Variants in CFAP43 observed in about 807,000 individuals in gnomAD.
CFAP43 encodes cilia- and flagella-associated protein 43.
Under a neutral mutation model 218.9 loss-of-function variants are expected in CFAP43, and 155 were observed. That is an observed-to-expected ratio of 0.71 (90% CI 0.62 to 0.81). CFAP43 has a LOEUF of 0.81. CFAP43 is among the 30% of genes least tolerant of loss of function. The pLI, the probability that CFAP43 is intolerant of heterozygous loss-of-function variation, is 0.00. For missense variants in CFAP43, 1,778 were observed against 1,954.3 expected, an observed-to-expected ratio of 0.91 and a Z score of 1.70; for synonymous variants, 645 against 681.3, an observed-to-expected ratio of 0.95 and a Z score of 0.83.
chr10:104,203,494 A>C (rs947691934), intron 8 of CFAP43, 178 bp downstream of exon 8: 49 of 511,660 alleles, frequency 9.6e-5, no homozygotes, highest in Non-Finnish European at 1.4e-4. Flanking sequence ...GCACAAAAAT[A>C]AACCAATAGC....
At position 104,161,081 on chromosome 10, in the gene CFAP43, T is replaced by C; in HGVS notation, c.3496A>G (p.Lys1166Glu). ...EERKQFKDYE[K>E]KVKELNEERD... ...TCTTCATTTAACTCCTTTACTTTTT[T>C]CTCATAATCTTTGAATTGTTTTCTT... Residue 1166 changes from lysine (K) to glutamate (E), a missense_variant, in exon 27 of 38, where the codon AAA becomes GAA. Coordinates refer to ENST00000357060, the MANE Select transcript of CFAP43 (RefSeq NM_025145.7). 1.2e-6 allele frequency: 2 copies of C among 1,613,166 alleles called. No individual in the cohort carries two copies. The highest frequency in any genetic ancestry group is 1.7e-6 in the Non-Finnish European group (2 of 1,179,258).
At chr10:104,177,485 C>T (rs1171010675) in intron 19 of CFAP43, among the ~76,000 whole-genome samples, 1 of 152,092 alleles carries the variant, frequency 6.6e-6, no homozygotes, top group Non-Finnish European at 1.5e-5. Flanking sequence ...CAATCTGAGC[C>T]CCAAGAGGCT....
intron 3 of CFAP43, 62 bp from the exon 4 acceptor site, chr10:104,214,488 TTATC>T (rs1262092913): frequency 3.8e-6 from 5 of 1,331,342 alleles, no homozygotes; most frequent in Middle Eastern, 2.0e-4. Flanking sequence ...TTTAGAACAT[TTATC>T]TATTTTTTAA....
At chr10:104,204,198 T>C (rs531853663) in intron 7 of CFAP43, among the ~76,000 whole-genome samples, 2 of 152,290 alleles carry the variant, frequency 1.3e-5, no homozygotes, top group African/African-American at 4.8e-5. Flanking sequence ...CTTTAATCAT[T>C]ATTATGTGCA....
At chr10:104,130,427 T>C in intron 37 of CFAP43, 122 bp from the exon 38 acceptor site, 1 of 1,091,138 alleles carries the variant, frequency 9.2e-7, no homozygotes, top group South Asian at 1.5e-5. Context: ...CACTTGTATG[T>C]TTACAGCAGC....
At chr10:104,174,164 T>C (rs916346340) in intron 19 of CFAP43, among the ~76,000 whole-genome samples, 1 of 152,182 alleles carries the variant, frequency 6.6e-6, no homozygotes, top group Non-Finnish European at 1.5e-5. Context: ...ATCAGTAACA[T>C]TCACATATAC....
At chr10:104,169,746 C>T (rs117770007) in intron 20 of CFAP43, among the ~76,000 whole-genome samples, 2,966 of 151,862 alleles carry the variant, frequency 0.02, 45 homozygotes, top group Non-Finnish European at 0.031. Flanking sequence ...CTTTAATTTG[C>T]AATTCATTTC....
intron 24 of CFAP43, among the ~76,000 whole-genome samples, chr10:104,162,844 C>G (rs73331598): frequency 6.6e-6 from 1 of 151,920 alleles, no homozygotes; most frequent in South Asian, 2.1e-4. Context: ...GGAGGAGGCT[C>G]GTGGGCTTTA....
chr10:104,138,471 T>C (rs886111767), intron 34 of CFAP43, among the ~76,000 whole-genome samples: 4 of 151,674 alleles, frequency 2.6e-5, no homozygotes, highest in African/African-American at 9.8e-5. Context: ...AGGTTGGTAG[T>C]TCGAGACCAG....
intron 14 of CFAP43, 79 bp from the exon 15 acceptor site, chr10:104,186,202 G>T: frequency 8.9e-7 from 1 of 1,121,416 alleles, no homozygotes; most frequent in Non-Finnish European, 1.2e-6. Context: ...ATACATGCCT[G>T]TTGTATATTG....
intron 3 of CFAP43, among the ~76,000 whole-genome samples, chr10:104,215,028 G>T (rs2090975204): frequency 6.6e-6 from 1 of 152,076 alleles, no homozygotes; most frequent in Non-Finnish European, 1.5e-5. Flanking sequence ...CCAGCTACTT[G>T]GGAGGCTGAG....
At chr10:104,174,772 C>G (rs987056608) in intron 19 of CFAP43, among the ~76,000 whole-genome samples, 1 of 151,880 alleles carries the variant, frequency 6.6e-6, no homozygotes, top group African/African-American at 2.4e-5. Flanking sequence ...GAAAATATAA[C>G]TGGCCGGGCG....
Position 104,146,284 on chromosome 10 carries a change from G to A in CFAP43, c.3834C>T (p.Asp1278=). 3.1e-6 allele frequency: 5 copies of A among 1,613,732 alleles called. No individual in the cohort carries two copies. The highest frequency in any genetic ancestry group is 3.4e-6 in the Non-Finnish European group (4 of 1,179,704). The change falls in exon 30 of 38, where the codon GAC becomes GAT. Residue 1278 remains aspartate, a synonymous_variant. Coordinates refer to ENST00000357060, the MANE Select transcript of CFAP43 (RefSeq NM_025145.7). ...EDLDVCKEHY[D]NLLAEDKVMD... ...TCACTTTGTCTTCTGCCAGTAAGTT[G>A]TCATAGTGCTCCTTGCACACATCCA...
intron 3 of CFAP43, among the ~76,000 whole-genome samples, chr10:104,216,892 T>A (rs2091026262): frequency 6.6e-6 from 1 of 152,168 alleles, no homozygotes. Flanking sequence ...AGGCACATTC[T>A]GGAACCCTCC....
chr10:104,149,807 C>T (rs2088159824), intron 28 of CFAP43, among the ~76,000 whole-genome samples: 1 of 152,136 alleles, frequency 6.6e-6, no homozygotes, highest in Non-Finnish European at 1.5e-5. Flanking sequence ...TCACCATTTA[C>T]AGTGTAAAAT....
chr10:104,193,699 T>C, intron 11 of CFAP43, 167 bp downstream of exon 11: 1 of 915,168 alleles, frequency 1.1e-6, no homozygotes, highest in East Asian at 2.8e-5. Context: ...GGGGGTACTT[T>C]ACTACACAGC....
chr10:104,196,437 T>G (rs913465552), intron 10 of CFAP43, among the ~76,000 whole-genome samples: 4 of 152,108 alleles, frequency 2.6e-5, no homozygotes, highest in African/African-American at 9.7e-5. Flanking sequence ...CAGCACCCCC[T>G]CTCCCTCCAA....
At chr10:104,145,140 A>G (rs940769658) in intron 31 of CFAP43, among the ~76,000 whole-genome samples, 6 of 152,210 alleles carry the variant, frequency 3.9e-5, no homozygotes, top group African/African-American at 1.4e-4. Flanking sequence ...GTTTGTTTGA[A>G]CGCACTTTAG....
intron 35 of CFAP43, among the ~76,000 whole-genome samples, chr10:104,133,147 C>T (rs533478451): frequency 1.3e-5 from 2 of 152,124 alleles, no homozygotes; most frequent in African/African-American, 2.4e-5. Context: ...TAGGAGTGAT[C>T]GTTGAAGTTA....
Sources: allele counts gnomAD v4.1 joint callset (sites outside exome capture counted in the v4.1 genomes callset), GRCh38; gene constraint gnomAD v4.1.1; transcripts MANE v1.5; gene names NCBI Gene and HGNC (gene_info 2026-07-23, HGNC 2026-07-21).